The following PANK4 variants were observed in gnomAD, a reference collection of about 807,000 sequenced individuals.
The protein encoded by PANK4 is 4'-phosphopantetheine phosphatase.
PANK4 carries 40 observed loss-of-function variants against 87.9 expected under a neutral mutation model. The observed-to-expected ratio is 0.46, with a 90% confidence interval of 0.35 to 0.59. The LOEUF is 0.59. Among genes scored for constraint, PANK4 ranks in the 20% least tolerant of loss-of-function variants. The probability of loss-of-function intolerance (pLI) is 0.00; values close to 1 mark genes in which losing one functional copy is unlikely to be tolerated. For synonymous variants in PANK4, 524 were observed against 467.4 expected (o/e 1.12, Z -1.56); for missense variants, 926 against 1,072.3 (o/e 0.86, Z 1.90).
At chr1:2,525,295 C>T (rs1015115471) in intron 1 of PANK4, among the ~76,000 whole-genome samples, 1 of 152,142 alleles carries the variant, frequency 6.6e-6, no homozygotes, top group Non-Finnish European at 1.5e-5. Context: ...CAGGCCCATT[C>T]ATCCCAGTAT....
Position 2,515,930 on chromosome 1 carries a change from G to A in PANK4, c.1219-213C>T, listed in dbSNP as rs1557441467. 4 of 599,732 alleles carry A rather than the reference G, an allele frequency of 6.7e-6. No homozygotes were observed. In the South Asian group the frequency reaches 7.9e-5, roughly 12 times the overall value. 37.2% of individuals were successfully genotyped at this position (599,732 alleles called of 1,614,324 possible). A position where few individuals can be genotyped will look rare whatever the true frequency, so the allele number is the denominator to read the frequency against. ...ACTTACCCCCTGGTTTGACACTGGG[G>A]TTGCGTCTGCTCCCACCACACGCCT... On this transcript the variant is annotated intron_variant, in intron 9 of 18. Transcript: ENST00000378466. The surrounding 1 kb of genome is among the most constrained non-coding windows in gnomAD (Gnocchi z 5.0).
At position 2,509,303 on chromosome 1, in the gene PANK4, G is replaced by T. The variant is rs980342499; in HGVS notation, c.2109-243C>A. On this transcript the variant is annotated intron_variant, in intron 18 of 18. Transcript: ENST00000378466. This position sits in a 1 kb window ranked among gnomAD's most constrained non-coding sequence, Gnocchi z 4.9. ...GCCCTAGATCTCCTGTGAACTCTAG[G>T]GATGGATTCCTTGTCATTTTCACGC... Among the ~76,000 whole-genome samples, 1 of 152,196 alleles carries T rather than the reference G, an allele frequency of 6.6e-6. No individual in the cohort carries two copies. Among genetic ancestry groups the T allele is most frequent in the Non-Finnish European group, 1.5e-5 (1 of 68,036 alleles).
At chr1:2,525,795 G>A (rs1363333721) in intron 1 of PANK4, 1 of 152,304 alleles carries the variant, frequency 6.6e-6, no homozygotes, top group Non-Finnish European at 1.5e-5. Context: ...CAGGGCAGAA[G>A]TGCAGGCCGC....
In PANK4 at chr1:2,510,098, G is replaced by A. The variant is rs1643635245; in HGVS notation, c.1998C>T (p.Leu666=). 2.5e-6 allele frequency: 4 copies of A among 1,611,308 alleles called. No individual in the cohort carries two copies. The highest frequency in any genetic ancestry group is 1.7e-5 in the Admixed American group (1 of 59,898). Residue 666 remains leucine, a synonymous_variant, in exon 17 of 19, where the codon CTC becomes CTT. Coordinates refer to ENST00000378466, the MANE Select transcript of PANK4 (RefSeq NM_018216.4). This position sits in a 1 kb window ranked among gnomAD's most constrained non-coding sequence, Gnocchi z 4.9. ...ALNDVTHSES[L]IVAERIAGMD... ...TGCCCGCAATACGCTCTGCCACGAT[G>A]AGGGACTCGCTGTGGGTCACGTCGT...
At chr1:2,511,152 G>C (rs1164887949) in intron 15 of PANK4, among the ~76,000 whole-genome samples, 186 bp downstream of exon 15, 1 of 152,230 alleles carries the variant, frequency 6.6e-6, no homozygotes, top group South Asian at 2.1e-4. Context: ...GGTGACCTAA[G>C]AAGCAGTCAC....
chr1:2,511,297 C>A, intron 15 of PANK4, 41 bp downstream of exon 15: 1 of 1,496,846 alleles, frequency 6.7e-7, no homozygotes, highest in Non-Finnish European at 9.3e-7. Flanking sequence ...CCGGGCCCCG[C>A]TGTGTCCCCA....
At chr1:2,512,211 CG>C (rs1031210230) in intron 13 of PANK4, among the ~76,000 whole-genome samples, 4 of 152,090 alleles carry the variant, frequency 2.6e-5, no homozygotes, top group Non-Finnish European at 5.9e-5. Context: ...TGACAGGCTG[CG>C]GGAGGGGCCT....
rs777549473 is a variant in PANK4, at chr1:2,509,819, C to A, written c.2108+43G>T. 8.3e-6 allele frequency: 13 copies of A among 1,571,498 alleles called. No homozygotes were observed. Among genetic ancestry groups the A allele is most frequent in the African/African-American group, 6.8e-5 (5 of 73,998 alleles). On this transcript the variant is annotated intron_variant, in intron 18 of 18. Transcript: ENST00000378466. This position sits in a 1 kb window ranked among gnomAD's most constrained non-coding sequence, Gnocchi z 4.9. ...GTGCAGGTGCACGGCACAGAGGGCA[C>A]AGAGCCCAGGAGGGAGAGAACAGGT...
Position 2,514,371 on chromosome 1 carries a change from G to A in PANK4, c.1470C>T (p.Thr490=). The A allele has an allele frequency of 6.2e-7, 1 of 1,611,688 alleles. No homozygotes were observed. Among genetic ancestry groups the A allele is most frequent in the Non-Finnish European group, 8.5e-7 (1 of 1,179,018 alleles). Residue 490 remains threonine (T), a synonymous_variant, in exon 11 of 19, where the codon ACC becomes ACT. Transcript: ENST00000378466. ...GCACTTACAAGGGCTGCTGCCTCAG[G>A]GTCTGAAGCTTGTTCCAGTACTTCT... ...FRQKYWNKLQ[T]LRQQPFAYGT... is the part of the protein sequence containing the mutation.
intron 15 of PANK4, 33 bp downstream of exon 15, chr1:2,511,305 C>T (rs1457669712): frequency 1.9e-6 from 3 of 1,539,764 alleles, no homozygotes; most frequent in African/African-American, 1.4e-5. Context: ...CGCTGTGTCC[C>T]CAGCAGCAGA....
intron 14 of PANK4, 33 bp from the exon 15 acceptor site, chr1:2,511,420 G>A (rs761791562): frequency 1.4e-5 from 21 of 1,543,524 alleles, no homozygotes; most frequent in South Asian, 2.2e-5. Flanking sequence ...TGATTAGCCC[G>A]GTGCTCCAGG....
Position 2,510,514 on chromosome 1 carries a change from C to T in PANK4, c.1938+164G>A, listed in dbSNP as rs1404036536. The T allele has an allele frequency of 1.7e-5, 11 of 640,440 alleles. No individual in the cohort carries two copies. Among genetic ancestry groups the T allele is most frequent in the Non-Finnish European group, 2.8e-5 (10 of 360,116 alleles). The allele number at this position is 640,440 out of a possible 1,614,324, so 39.7% of individuals were successfully genotyped here. Reference sequence around the variant, plus strand: ...AGCCCAGGGGGCTCGGAGCCTCCACCCCAGCAGATGACGGCTCTGGGCCGC... The same window carrying T: ...AGCCCAGGGGGCTCGGAGCCTCCACTCCAGCAGATGACGGCTCTGGGCCGC... On this transcript the variant is annotated intron_variant, in intron 16 of 18. Coordinates refer to ENST00000378466, the MANE Select transcript of PANK4 (RefSeq NM_018216.4). This position sits in a 1 kb window ranked among gnomAD's most constrained non-coding sequence, Gnocchi z 4.9.
chr1:2,526,413 G>T, intron 1 of PANK4, 51 bp downstream of exon 1: 1 of 645,234 alleles, frequency 1.5e-6, no homozygotes, highest in Non-Finnish European at 1.9e-6. Context: ...GCCCACCGCC[G>T]GCGCCCCGCC....
chr1:2,524,558 C>A (rs1246222480), intron 1 of PANK4, among the ~76,000 whole-genome samples: 1 of 152,124 alleles, frequency 6.6e-6, no homozygotes, highest in Non-Finnish European at 1.5e-5. Context: ...ATCCTTCTAC[C>A]AAGAAACCCC....
chr1:2,522,980 G>GTGTGTGCTAAAGT (rs1643890470), intron 1 of PANK4, among the ~76,000 whole-genome samples: 1 of 152,120 alleles, frequency 6.6e-6, no homozygotes, highest in African/African-American at 2.4e-5. Flanking sequence ...GGAGGGCACT[G>GTGTGTGCTAAAGT]GATGGTGCTA....
Position 2,509,786 on chromosome 1 carries a change from G to A in PANK4, c.2108+76C>T. ...CAGTCCTGAGGTCGGTGTCCCGCAT[G>A]CACCTGGGTGCAGGTGCACGGCACA... On this transcript the variant is annotated intron_variant, in intron 18 of 18. Coordinates refer to ENST00000378466, the MANE Select transcript of PANK4 (RefSeq NM_018216.4). This position sits in a 1 kb window ranked among gnomAD's most constrained non-coding sequence, Gnocchi z 4.9. The A allele has an allele frequency of 7.5e-7, 1 of 1,327,906 alleles. No homozygotes were observed. 82.3% of individuals were successfully genotyped at this position (1,327,906 alleles called of 1,614,324 possible). A position where few individuals can be genotyped will look rare whatever the true frequency, so the allele number is the denominator to read the frequency against.
intron 1 of PANK4, among the ~76,000 whole-genome samples, chr1:2,522,717 C>T (rs958079436): frequency 5.9e-5 from 9 of 152,286 alleles, no homozygotes; most frequent in African/African-American, 2.2e-4. Flanking sequence ...ACAGAGGGCA[C>T]TGTGTGTGTT....
chr1:2,515,406 G>A lies in PANK4; in HGVS notation c.1374+156C>T. On this transcript the variant is annotated intron_variant, in intron 10 of 18. Coordinates refer to ENST00000378466, the MANE Select transcript of PANK4 (RefSeq NM_018216.4). This position sits in a 1 kb window ranked among gnomAD's most constrained non-coding sequence, Gnocchi z 5.0. ...GGCCAGGAGCGGTATTTTTGCCTGA[G>A]AAACCAAAATCGCCCCCTCACTCAG... 1 of 852,394 alleles carries A rather than the reference G, an allele frequency of 1.2e-6. No individual in the cohort carries two copies. The highest frequency in any genetic ancestry group is 1.9e-6 in the Non-Finnish European group (1 of 520,160). The allele number at this position is 852,394 out of a possible 1,614,324, so 52.8% of individuals were successfully genotyped here. A position where few individuals can be genotyped will look rare whatever the true frequency, so the allele number is the denominator to read the frequency against.
rs569326162 is a variant in PANK4 at position 2,514,208 on chromosome 1, C to G, written c.1488-119G>C. 4 of 1,140,150 alleles carry G rather than the reference C, an allele frequency of 3.5e-6. No individual in the cohort carries two copies. The East Asian group carries it at 9.5e-5, about 27-fold the overall frequency. 70.6% of individuals were successfully genotyped at this position (1,140,150 alleles called of 1,614,324 possible). On this transcript the variant is annotated intron_variant, in intron 11 of 18. Transcript: ENST00000378466. ...CCGGCAGTGCAAACGCTGCTTGAGG[C>G]GGGGTCCAAGGGGGCTGTGCCGCCA...
Sources: allele counts gnomAD v4.1 joint callset (sites outside exome capture counted in the v4.1 genomes callset), GRCh38; gene constraint gnomAD v4.1.1; non-coding constraint Gnocchi (gnomAD v3.1); transcripts MANE v1.5; gene names NCBI Gene and HGNC (gene_info 2026-07-23, HGNC 2026-07-21).